Variants in SNTG2 observed in about 807,000 individuals in gnomAD.
The protein encoded by SNTG2 is syntrophin gamma 2.
In SNTG2, 74 loss-of-function variants were observed where a neutral mutation model predicts 70.9. The ratio of observed to expected loss-of-function variants is 1.04; its 90% CI spans 0.86 to 1.27. SNTG2 has a LOEUF of 1.27. SNTG2 is among the 50% of genes most tolerant of loss of function. SNTG2 has a pLI of 0.00. For synonymous variants in SNTG2, 278 were observed against 273.8 expected, an observed-to-expected ratio of 1.02 and a Z score of -0.15; for missense variants, 717 against 690.7, an observed-to-expected ratio of 1.04 and a Z score of -0.43.
rs34450647 is a variant in SNTG2 at position 1,316,831 on chromosome 2, G to C, written c.1488+456G>C. Among the ~76,000 whole-genome samples the C allele has an allele frequency of 3.9e-3, 293 of 75,372 alleles. 69 individuals carry two copies. The highest frequency in any genetic ancestry group is 0.017 in the South Asian group (33 of 1,930). The allele number at this position is 75,372 out of a possible 152,430, so 49.4% of individuals were successfully genotyped here. ...GTTGGGATTCTGGAGCATTTAGCAT[G>C]AGGCCAGCATTGGAGAAGGCTGGGA... On this transcript the variant is annotated intron_variant, in intron 16 of 16. Coordinates refer to ENST00000308624, the MANE Select transcript of SNTG2 (RefSeq NM_018968.4).
chr2:1,267,338 G>A (rs28626835), intron 13 of SNTG2, 27 bp from the exon 14 acceptor site: 50 of 1,567,314 alleles, frequency 3.2e-5, no homozygotes, highest in African/African-American at 1.5e-4. Flanking sequence ...AGCGCTGCAC[G>A]TTTCCAATCC....
intron 14 of SNTG2, among the ~76,000 whole-genome samples, chr2:1,301,784 TAAAAA>T (rs533637487): frequency 1.4e-4 from 22 of 151,956 alleles, no homozygotes; most frequent in Admixed American, 1.4e-3. Flanking sequence ...CATTTTCTGA[TAAAAA>T]AAATTAAGAG....
At chr2:1,272,966 G>A (rs527603305) in intron 14 of SNTG2, among the ~76,000 whole-genome samples, 4 of 152,324 alleles carry the variant, frequency 2.6e-5, no homozygotes, top group South Asian at 2.1e-4. Context: ...ACGAGATCAC[G>A]TTTATGAAAT....
chr2:1,173,349 AT>A lies in SNTG2; in HGVS notation c.591+169del, dbSNP rs997223694. 4.6e-5 allele frequency among the ~76,000 whole-genome samples: 7 copies of A among 152,296 alleles called. No homozygotes were observed. In the South Asian group the frequency reaches 8.3e-4, roughly 18 times the overall value. Reference sequence around the variant, plus strand: ...AGATTGAAGGTGCTGTTCTGTTGACATTTACTCCCACGTGGGACACATCCTG... The same window carrying A: ...AGATTGAAGGTGCTGTTCTGTTGACATTACTCCCACGTGGGACACATCCTG... On this transcript the variant is annotated intron_variant, in intron 8 of 16. Transcript: ENST00000308624.
chr2:1,138,132 C>T (rs977085826), intron 6 of SNTG2, among the ~76,000 whole-genome samples: 5 of 152,336 alleles, frequency 3.3e-5, no homozygotes, highest in South Asian at 2.1e-4. Flanking sequence ...GTGTTATCAT[C>T]GTGCTGAGCA....
In SNTG2 at chr2:1,137,810, G is replaced by C. The variant is rs747449378; in HGVS notation, c.411+1G>C. The C allele has an allele frequency of 6.2e-7, 1 of 1,609,036 alleles. No homozygotes were observed. The highest frequency in any genetic ancestry group is 8.5e-7 in the Non-Finnish European group (1 of 1,176,200). Reference sequence around the variant, plus strand: ...AGAAAATGCAACTCATGAAGAAGTGGTAAGTGAATTACATTTTATAGTTAT... The same window carrying C: ...AGAAAATGCAACTCATGAAGAAGTGCTAAGTGAATTACATTTTATAGTTAT... On this transcript the variant is annotated splice_donor_variant, in intron 6 of 16. Transcript: ENST00000308624. LOFTEE classifies it high-confidence loss of function.
intron 8 of SNTG2, among the ~76,000 whole-genome samples, chr2:1,193,132 A>G (rs565026496): frequency 2.1e-4 from 32 of 152,326 alleles, no homozygotes; most frequent in Middle Eastern, 6.8e-3. Context: ...AGGCCCCCCA[A>G]ATTCCTCATT....
At chr2:1,036,325 A>G (rs1661126523) in intron 1 of SNTG2, among the ~76,000 whole-genome samples, 1 of 151,878 alleles carries the variant, frequency 6.6e-6, no homozygotes, top group African/African-American at 2.4e-5. Flanking sequence ...ACTTCCTCTT[A>G]TCTATACTCT....
intron 6 of SNTG2, among the ~76,000 whole-genome samples, chr2:1,144,809 G>C (rs974145867): frequency 2.0e-5 from 3 of 152,126 alleles, no homozygotes; most frequent in African/African-American, 7.2e-5. Flanking sequence ...TGGGAATTAT[G>C]GGAGCTACAA....
chr2:1,215,556 T>C (rs1476656610), intron 9 of SNTG2, among the ~76,000 whole-genome samples: 1 of 151,588 alleles, frequency 6.6e-6, no homozygotes. Flanking sequence ...TTTTCTTTTT[T>C]TTCTTTTTTT....
At chr2:1,359,232 GAACT>G (rs1661014151) in intron 16 of SNTG2, among the ~76,000 whole-genome samples, 1 of 151,976 alleles carries the variant, frequency 6.6e-6, no homozygotes, top group Non-Finnish European at 1.5e-5. Context: ...TGTGTTCACC[GAACT>G]ATCAGAAATC....
intron 1 of SNTG2, among the ~76,000 whole-genome samples, chr2:1,060,905 A>G (rs1426023854): frequency 2.0e-5 from 3 of 152,226 alleles, no homozygotes; most frequent in African/African-American, 7.2e-5. Context: ...TTATGTATAA[A>G]TTACAAAGGA....
At chr2:1,226,502 A>C (rs4542885) in intron 9 of SNTG2, among the ~76,000 whole-genome samples, 50,058 of 151,952 alleles carry the variant, frequency 0.33, 10,113 homozygotes, top group African/African-American at 0.58. Context: ...GACACAGGAA[A>C]CCAAAGCTCT....
chr2:1,169,160 C>T (rs1269786211), intron 7 of SNTG2, among the ~76,000 whole-genome samples: 1 of 151,880 alleles, frequency 6.6e-6, no homozygotes, highest in Non-Finnish European at 1.5e-5. Context: ...TACAGGCTCA[C>T]GAAGGAAGAA....
chr2:1,033,438 G>T (rs1287283233), intron 1 of SNTG2, among the ~76,000 whole-genome samples: 3 of 152,228 alleles, frequency 2.0e-5, no homozygotes, highest in Non-Finnish European at 4.4e-5. Flanking sequence ...TTCAAGGGCT[G>T]CTACGTTGCC....
chr2:1,255,885 A>AAAATATATATAAAT (rs1678060028), intron 12 of SNTG2, among the ~76,000 whole-genome samples: 2 of 90,478 alleles, frequency 2.2e-5, no homozygotes, highest in East Asian at 2.8e-4. Flanking sequence ...TATATATATA[A>AAAATATATATAAAT]ATATATATAA....
At chr2:1,284,251 A>G (rs1202121357) in intron 14 of SNTG2, among the ~76,000 whole-genome samples, 1 of 152,196 alleles carries the variant, frequency 6.6e-6, no homozygotes, top group Non-Finnish European at 1.5e-5. Flanking sequence ...TAACACCTCC[A>G]TCCTGGGAAG....
In SNTG2 at chr2:1,093,971, G is replaced by C. The variant is rs1373134170; in HGVS notation, c.211-4225G>C. ...ATGGTAGAGTTACTGGCAAGGGCTGGCTTCCTGGACTGCAGGCGAAGGCCT... is the reference window on the plus strand; with the variant it reads ...ATGGTAGAGTTACTGGCAAGGGCTGCCTTCCTGGACTGCAGGCGAAGGCCT... On this transcript the variant is annotated intron_variant, in intron 2 of 16. Coordinates refer to ENST00000308624, the MANE Select transcript of SNTG2 (RefSeq NM_018968.4). 2.3e-4 allele frequency among the ~76,000 whole-genome samples: 14 copies of C among 61,290 alleles called. No homozygotes were observed. The South Asian group carries it at 5.0e-3, about 22-fold the overall frequency. The allele number at this position is 61,290 out of a possible 152,430, so 40.2% of individuals were successfully genotyped here.
chr2:1,300,436 T>A (rs1445121552), intron 14 of SNTG2, among the ~76,000 whole-genome samples: 2 of 152,100 alleles, frequency 1.3e-5, no homozygotes, highest in African/African-American at 2.4e-5. Context: ...AACAGGAAGA[T>A]CCCTCAACAC....
Sources: gnomAD v4.1 joint callset for allele counts (sites outside exome capture counted in the v4.1 genomes callset) on GRCh38, gnomAD v4.1.1 for gene constraint, MANE v1.5 for transcripts, NCBI Gene and HGNC (gene_info 2026-07-23, HGNC 2026-07-21) for gene names.